The following MAF variants were observed in gnomAD, a reference collection of about 807,000 sequenced individuals.
MAF encodes the protein transcription factor Maf.
MAF carries 10 observed loss-of-function variants against 22.0 expected under a neutral mutation model. That is an observed-to-expected ratio of 0.45 (90% confidence interval 0.28 to 0.77). The LOEUF (loss-of-function observed/expected upper bound fraction) is 0.77. Among genes scored for constraint, MAF ranks in the 30% least tolerant of loss-of-function variants. MAF has a pLI of 0.12. For synonymous variants in MAF, 337 were observed against 255.8 expected, an observed-to-expected ratio of 1.32 and a Z score of -3.03; for missense variants, 544 against 548.4, an observed-to-expected ratio of 0.99 and a Z score of 0.08.
the MAF span, among the ~76,000 whole-genome samples, chr16:79,484,526 C>A: frequency 6.6e-6 from 1 of 152,184 alleles, no homozygotes; most frequent in African/African-American, 2.4e-5. Context: ...AGTCTTTGGT[C>A]CCTGCTATGG....
the MAF span, among the ~76,000 whole-genome samples, chr16:79,244,879 A>G: frequency 4.6e-5 from 7 of 152,084 alleles, no homozygotes; most frequent in Non-Finnish European, 7.4e-5. Context: ...ATATAGATTA[A>G]TGGAATGGAA....
the MAF span, among the ~76,000 whole-genome samples, chr16:79,525,187 C>A: frequency 1.3e-5 from 2 of 152,228 alleles, no homozygotes; most frequent in African/African-American, 4.8e-5. Context: ...TATTCTTTTC[C>A]CCTGACTTCC....
downstream of MAF, among the ~76,000 whole-genome samples, chr16:79,582,549 G>A (rs916447603): frequency 5.3e-5 from 8 of 152,108 alleles, no homozygotes; most frequent in Admixed American, 5.2e-4. Context: ...TGATTAAATC[G>A]GCTCAGTAGT....
chr16:79,272,886 T>C, the MAF span, among the ~76,000 whole-genome samples: 2,080 of 152,296 alleles, frequency 0.014, 34 homozygotes, highest in Middle Eastern at 0.037. Flanking sequence ...TTTTGCTTGA[T>C]TGACCCCCTT....
the MAF span, among the ~76,000 whole-genome samples, chr16:79,220,454 T>A: frequency 6.6e-6 from 1 of 152,078 alleles, no homozygotes; most frequent in African/African-American, 2.4e-5. Flanking sequence ...GTGATTATAT[T>A]CCATATACAC....
the MAF span, among the ~76,000 whole-genome samples, chr16:79,422,147 C>T: frequency 6.6e-6 from 1 of 152,112 alleles, no homozygotes; most frequent in African/African-American, 2.4e-5. Context: ...GAGGACAGAG[C>T]ATTCTGGAAA....
the MAF span, among the ~76,000 whole-genome samples, chr16:79,252,425 A>G: frequency 6.6e-6 from 1 of 151,888 alleles, no homozygotes. Context: ...CAACAGGCTC[A>G]ATGTGGCCCA....
chr16:79,454,559 C>T, the MAF span, among the ~76,000 whole-genome samples: 1 of 152,196 alleles, frequency 6.6e-6, no homozygotes, highest in African/African-American at 2.4e-5. Flanking sequence ...AGAATTATCC[C>T]TTCCTACTAA....
chr16:79,554,343 C>T, the MAF span, among the ~76,000 whole-genome samples: 1,369 of 152,216 alleles, frequency 9.0e-3, 29 homozygotes, highest in African/African-American at 0.032. Flanking sequence ...CTGCTGGTCT[C>T]TAGAGTCTTT....
At chr16:79,298,017 G>T in the MAF span, among the ~76,000 whole-genome samples, 1 of 152,226 alleles carries the variant, frequency 6.6e-6, no homozygotes, top group Non-Finnish European at 1.5e-5. Flanking sequence ...AATTAGCAAG[G>T]TCCAGTGCGG....
chr16:79,372,057 G>A, the MAF span, among the ~76,000 whole-genome samples: 1 of 149,616 alleles, frequency 6.7e-6, no homozygotes, highest in Admixed American at 6.8e-5. Context: ...TTGGTTAAAA[G>A]GGAGAGGAAT....
chr16:79,206,629 G>C, the MAF span: 9 of 152,360 alleles, frequency 5.9e-5, no homozygotes, highest in Non-Finnish European at 8.8e-5. Flanking sequence ...AAGCCGGGCA[G>C]TTTGCAGGGC....
chr16:79,544,212 T>C, the MAF span, among the ~76,000 whole-genome samples: 3 of 152,234 alleles, frequency 2.0e-5, no homozygotes, highest in Admixed American at 1.3e-4. Context: ...TTCAACACAG[T>C]AGGAACTAGC....
the MAF span, among the ~76,000 whole-genome samples, chr16:79,504,675 G>C: frequency 1.3e-5 from 2 of 152,208 alleles, no homozygotes; most frequent in South Asian, 4.1e-4. Flanking sequence ...ATGTTTGATG[G>C]ATGGATGGAT....
At chr16:79,237,285 G>A in the MAF span, among the ~76,000 whole-genome samples, 9 of 152,124 alleles carry the variant, frequency 5.9e-5, no homozygotes, top group East Asian at 1.9e-4. Flanking sequence ...TATAAATCCC[G>A]GGCACCATTA....
chr16:79,475,607 T>A, the MAF span, among the ~76,000 whole-genome samples: 2 of 152,102 alleles, frequency 1.3e-5, no homozygotes, highest in African/African-American at 2.4e-5. Context: ...GAGATGGAGA[T>A]GGAAATATTT....
chr16:79,405,364 G>C, the MAF span, among the ~76,000 whole-genome samples: 1 of 152,206 alleles, frequency 6.6e-6, no homozygotes, highest in African/African-American at 2.4e-5. Flanking sequence ...CAAAGTTTCA[G>C]ATGATCTAAG....
At chr16:79,551,854 T>A in the MAF span, among the ~76,000 whole-genome samples, 2 of 152,128 alleles carry the variant, frequency 1.3e-5, no homozygotes, top group African/African-American at 4.8e-5. Context: ...ACAGAGACAG[T>A]ATAGCCTGAA....
chr16:79,348,335 T>C, the MAF span, among the ~76,000 whole-genome samples: 16 of 152,212 alleles, frequency 1.1e-4, no homozygotes, highest in African/African-American at 2.9e-4. Flanking sequence ...CAGGGATAGA[T>C]AGTGGACAGG....
Sources: allele counts gnomAD v4.1 joint callset (sites outside exome capture counted in the v4.1 genomes callset), GRCh38; gene constraint gnomAD v4.1.1; transcripts MANE v1.5; gene names NCBI Gene and HGNC (gene_info 2026-07-23, HGNC 2026-07-21).